Variants in MLIP observed in about 807,000 individuals in gnomAD.
MLIP encodes the protein muscular LMNA interacting protein.
MLIP carries 79 observed loss-of-function variants against 84.8 expected under a neutral mutation model. That is an observed-to-expected ratio of 0.93 (90% CI 0.78 to 1.12). MLIP has a LOEUF of 1.12. MLIP is among the 50% of genes most tolerant of loss of function. The pLI is 0.00. For synonymous variants in MLIP, 504 were observed against 463.0 expected (o/e 1.09, Z -1.14); for missense variants, 1,257 against 1,160.6 (o/e 1.08, Z -1.21).
chr6:54,249,584 C>T (rs980726491), intron 12 of MLIP, among the ~76,000 whole-genome samples: 19 of 151,460 alleles, frequency 1.3e-4, no homozygotes, highest in Admixed American at 4.6e-4. Context: ...TGTTTTATTC[C>T]AGGGTATAGA....
intron 1 of MLIP, 53 bp downstream of exon 1, chr6:54,111,628 G>T (rs570388463): frequency 6.6e-7 from 1 of 1,511,300 alleles, no homozygotes; most frequent in Non-Finnish European, 8.9e-7. Context: ...AGCAGTGTAC[G>T]GTGCTGGTGG....
chr6:54,019,286 C>T (rs1763369769), intron 1 of MLIP, among the ~76,000 whole-genome samples: 1 of 152,088 alleles, frequency 6.6e-6, no homozygotes, highest in Non-Finnish European at 1.5e-5. Flanking sequence ...TGCCATTACA[C>T]AAATGAGGGC....
chr6:54,265,112 G>A (rs548587454), intron 13 of MLIP, among the ~76,000 whole-genome samples: 1 of 152,018 alleles, frequency 6.6e-6, no homozygotes, highest in Non-Finnish European at 1.5e-5. Context: ...ATTTCGGAAG[G>A]TTCCCATGTT....
In MLIP at chr6:54,145,616, A is replaced by G. The variant is rs534965636; in HGVS notation, c.2218-3440A>G. On this transcript the variant is annotated intron_variant, in intron 4 of 13. Transcript: ENST00000502396. ...GTAAGAACCCATCTCTACAAAAAAA[A>G]TAAAAAAAAATTAGCTGGGTATGCT... 5.3e-5 allele frequency among the ~76,000 whole-genome samples: 8 copies of G among 149,940 alleles called. No individual in the cohort carries two copies. In the East Asian group the frequency reaches 1.7e-3, roughly 32 times the overall value.
At chr6:54,201,546 A>C (rs1019096807) in intron 10 of MLIP, among the ~76,000 whole-genome samples, 1 of 152,190 alleles carries the variant, frequency 6.6e-6, no homozygotes, top group Non-Finnish European at 1.5e-5. Context: ...ACTGCACAAC[A>C]GTTTAAATCC....
At chr6:54,200,052 T>C (rs947055260) in intron 10 of MLIP, among the ~76,000 whole-genome samples, 1 of 152,010 alleles carries the variant, frequency 6.6e-6, no homozygotes, top group Admixed American at 6.6e-5. Flanking sequence ...CTAAAGAGCA[T>C]GAAAACTGGT....
intron 9 of MLIP, among the ~76,000 whole-genome samples, chr6:54,181,919 T>C (rs1399907561): frequency 6.6e-6 from 1 of 152,164 alleles, no homozygotes; most frequent in Admixed American, 6.5e-5. Flanking sequence ...CATTCTCCTC[T>C]CCTTAAGCAG....
chr6:54,248,740 G>T (rs1409075398), intron 12 of MLIP, among the ~76,000 whole-genome samples: 1 of 152,024 alleles, frequency 6.6e-6, no homozygotes, highest in East Asian at 1.9e-4. Flanking sequence ...TCATATTTCA[G>T]ATCTATTACA....
chr6:54,111,685 T>G (rs1475498279), intron 1 of MLIP, 110 bp downstream of exon 1: 7 of 1,111,306 alleles, frequency 6.3e-6, no homozygotes, highest in Non-Finnish European at 8.9e-6. Flanking sequence ...GAAGATAAAT[T>G]TGTATGTATA....
intron 8 of MLIP, among the ~76,000 whole-genome samples, chr6:54,164,165 T>C (rs1774945803): frequency 1.3e-5 from 2 of 151,932 alleles, no homozygotes; most frequent in African/African-American, 4.8e-5. Flanking sequence ...TTACCTTCTA[T>C]GACCTTTCAC....
chr6:54,258,821 GA>G (rs1416511384), intron 13 of MLIP, among the ~76,000 whole-genome samples: 1 of 151,932 alleles, frequency 6.6e-6, no homozygotes, highest in East Asian at 1.9e-4. Context: ...AAATAGCTAG[GA>G]AGTGTCTCCA....
chr6:54,222,526 T>C (rs1780286427), intron 11 of MLIP, among the ~76,000 whole-genome samples: 1 of 152,104 alleles, frequency 6.6e-6, no homozygotes, highest in South Asian at 2.1e-4. Flanking sequence ...GGTTAATTTA[T>C]ATTGTCACAG....
At chr6:54,203,979 T>A (rs1477953334) in intron 11 of MLIP, among the ~76,000 whole-genome samples, 2 of 152,266 alleles carry the variant, frequency 1.3e-5, no homozygotes, top group Non-Finnish European at 2.9e-5. Flanking sequence ...TTAAAATCTA[T>A]GATTAACCAT....
intron 1 of MLIP, among the ~76,000 whole-genome samples, chr6:54,087,279 A>G (rs1217100870): frequency 6.6e-6 from 1 of 152,170 alleles, no homozygotes; most frequent in Non-Finnish European, 1.5e-5. Flanking sequence ...GAGGTGTTAC[A>G]ATATCTGCCT....
chr6:54,020,621 T>G (rs1763443532), intron 1 of MLIP, among the ~76,000 whole-genome samples: 1 of 152,196 alleles, frequency 6.6e-6, no homozygotes. Context: ...TTATTCGAAG[T>G]GATTCGATGT....
At chr6:54,198,525 G>C (rs184498254) in intron 10 of MLIP, among the ~76,000 whole-genome samples, 34 of 152,216 alleles carry the variant, frequency 2.2e-4, no homozygotes, top group Admixed American at 1.4e-3. Context: ...TGATGGGTTT[G>C]AATATGCAGA....
At chr6:54,200,639 C>A (rs1465851230) in intron 10 of MLIP, among the ~76,000 whole-genome samples, 1 of 123,452 alleles carries the variant, frequency 8.1e-6, no homozygotes, top group East Asian at 2.7e-4. Flanking sequence ...TTTTTGGCAG[C>A]ACTTAATGGA....
At chr6:54,226,372 C>T (rs952505590) in intron 11 of MLIP, among the ~76,000 whole-genome samples, 38 of 152,240 alleles carry the variant, frequency 2.5e-4, no homozygotes, top group African/African-American at 8.4e-4. Flanking sequence ...CAGGCCTTTG[C>T]CTTCTAGCCA....
intron 1 of MLIP, among the ~76,000 whole-genome samples, chr6:54,089,846 C>G (rs1767743812): frequency 6.6e-6 from 1 of 152,108 alleles, no homozygotes; most frequent in Non-Finnish European, 1.5e-5. Context: ...ATTAGGCCAT[C>G]AATATATTCT....
Sources: gnomAD v4.1 joint callset for allele counts (sites outside exome capture counted in the v4.1 genomes callset) on GRCh38, gnomAD v4.1.1 for gene constraint, MANE v1.5 for transcripts, NCBI Gene and HGNC (gene_info 2026-07-23, HGNC 2026-07-21) for gene names.